The following NOL10 variants were observed in gnomAD, a reference collection of about 807,000 sequenced individuals.
NOL10 encodes the protein nucleolar protein 10, also known as H_NH0074G24.1.
Under a neutral mutation model 103.5 loss-of-function variants are expected in NOL10, and 58 were observed. The observed-to-expected ratio is 0.56, with a 90% CI of 0.45 to 0.70. The LOEUF (loss-of-function observed/expected upper bound fraction) is 0.70, where lower values mean the gene tolerates loss of function less well. Among genes scored for constraint, NOL10 ranks in the 30% least tolerant of loss-of-function variants. The pLI is 0.00. For synonymous variants in NOL10, 287 were observed against 282.5 expected (o/e 1.02, Z -0.16); for missense variants, 763 against 807.3 (o/e 0.95, Z 0.67).
At chr2:10,632,470 CAGTCT>C (rs1198514683) in intron 13 of NOL10, among the ~76,000 whole-genome samples, 1 of 152,190 alleles carries the variant, frequency 6.6e-6, no homozygotes, top group Non-Finnish European at 1.5e-5. Flanking sequence ...TCCCAAACCC[CAGTCT>C]AGAGTACACC....
At chr2:10,600,817 A>G in intron 17 of NOL10, 36 bp downstream of exon 17, 1 of 1,333,308 alleles carries the variant, frequency 7.5e-7, no homozygotes, top group East Asian at 2.5e-5. Context: ...TATCAACAAA[A>G]CGCAGAAACA....
intron 13 of NOL10, 125 bp downstream of exon 13, chr2:10,644,195 C>A: frequency 1.6e-6 from 1 of 615,416 alleles, no homozygotes; most frequent in Non-Finnish European, 2.7e-6. Context: ...TTGCAGTGGG[C>A]TGAGGCTGCA....
At chr2:10,583,986 T>C (rs1260165027) in intron 19 of NOL10, among the ~76,000 whole-genome samples, 1 of 152,204 alleles carries the variant, frequency 6.6e-6, no homozygotes, top group Admixed American at 6.5e-5. Flanking sequence ...ATCTAAGCTG[T>C]AAGATCGTGG....
chr2:10,684,434 G>T (rs1393537627), intron 2 of NOL10, 133 bp downstream of exon 2: 4 of 726,032 alleles, frequency 5.5e-6, no homozygotes, highest in East Asian at 2.8e-5. Context: ...AAAAGAAAAG[G>T]GACAAGAGCA....
chr2:10,636,321 A>G (rs555159010), intron 13 of NOL10, among the ~76,000 whole-genome samples: 10 of 150,246 alleles, frequency 6.7e-5, no homozygotes, highest in Non-Finnish European at 1.2e-4. Context: ...TGTAATCCCA[A>G]TCCCAACACT....
In NOL10 at chr2:10,614,761, T is replaced by C. The variant is rs760573671; in HGVS notation, c.1027-7450A>G. ...TGTACTATAATGTATATACACACTA[T>C]ACATAGCTACATATGGTAAATATAT... On this transcript the variant is annotated intron_variant, in intron 13 of 20. Transcript: ENST00000381685. 3.9e-4 allele frequency among the ~76,000 whole-genome samples: 60 copies of C among 152,354 alleles called. 1 individual carries two copies. The highest frequency in any genetic ancestry group is 4.1e-4 in the South Asian group (2 of 4,830).
At chr2:10,658,850 G>T (rs1453508074) in intron 10 of NOL10, among the ~76,000 whole-genome samples, 2 of 152,184 alleles carry the variant, frequency 1.3e-5, no homozygotes, top group Non-Finnish European at 1.5e-5. Context: ...GGCCAAGGGT[G>T]GGGGGATCGC....
chr2:10,630,444 G>A (rs1015502553), intron 13 of NOL10, among the ~76,000 whole-genome samples: 1 of 152,168 alleles, frequency 6.6e-6, no homozygotes, highest in African/African-American at 2.4e-5. Context: ...TGGGCGCGAT[G>A]GCTCACACCT....
chr2:10,643,026 T>C (rs1393961338), intron 13 of NOL10, among the ~76,000 whole-genome samples: 1 of 152,136 alleles, frequency 6.6e-6, no homozygotes, highest in African/African-American at 2.4e-5. Flanking sequence ...TCCATAATAT[T>C]TATTAACAAG....
At chr2:10,572,465 G>A (rs1011494488) in intron 20 of NOL10, among the ~76,000 whole-genome samples, 2 of 152,038 alleles carry the variant, frequency 1.3e-5, no homozygotes, top group African/African-American at 4.8e-5. Context: ...TGACAGACCA[G>A]CCTCCTACAA....
chr2:10,654,474 T>C lies in NOL10; in HGVS notation c.973+7A>G. The C allele has an allele frequency of 6.3e-7, 1 of 1,578,386 alleles. No individual in the cohort carries two copies. Among genetic ancestry groups the C allele is most frequent in the South Asian group, 1.2e-5 (1 of 86,644 alleles). ...GTCTCACTGAACGTTCACTACAGAATGCATACCTGAGTTGGGGTAGAGACA... is the reference window on the plus strand; with the variant it reads ...GTCTCACTGAACGTTCACTACAGAACGCATACCTGAGTTGGGGTAGAGACA... On this transcript the variant is annotated splice_region_variant and intron_variant, in intron 12 of 20. Coordinates refer to ENST00000381685, the MANE Select transcript of NOL10 (RefSeq NM_024894.4).
At chr2:10,686,692 C>G (rs1682234212) in intron 1 of NOL10, among the ~76,000 whole-genome samples, 1 of 152,138 alleles carries the variant, frequency 6.6e-6, no homozygotes, top group Non-Finnish European at 1.5e-5. Context: ...GATTCTGGAT[C>G]TATACTGAAG....
chr2:10,609,631 A>C (rs1676450868), intron 13 of NOL10, among the ~76,000 whole-genome samples: 1 of 152,032 alleles, frequency 6.6e-6, no homozygotes, highest in Non-Finnish European at 1.5e-5. Context: ...TGTCGGAAGG[A>C]GCACATGAGC....
chr2:10,626,886 T>C (rs1572323260), intron 13 of NOL10, among the ~76,000 whole-genome samples: 1 of 152,226 alleles, frequency 6.6e-6, no homozygotes, highest in East Asian at 1.9e-4. Flanking sequence ...GAAAATTACA[T>C]ACATTTTTAC....
rs527813311 is a variant in NOL10 at position 10,634,249 on chromosome 2, C to G, written c.1026+10071G>C. Among the ~76,000 whole-genome samples, 9 of 152,216 alleles carry G rather than the reference C, an allele frequency of 5.9e-5. No homozygotes were observed. In the East Asian group the frequency reaches 1.7e-3, roughly 29 times the overall value. On this transcript the variant is annotated intron_variant, in intron 13 of 20. Coordinates refer to ENST00000381685, the MANE Select transcript of NOL10 (RefSeq NM_024894.4). ...TCCAGTATTACAGTAATCCAGAGGC[C>G]TGATGGAAGGGAAGCACTGAGAAAT...
chr2:10,606,921 A>G (rs1676291604), intron 14 of NOL10, among the ~76,000 whole-genome samples: 1 of 152,228 alleles, frequency 6.6e-6, no homozygotes, highest in African/African-American at 2.4e-5. Context: ...TATAATAGCT[A>G]GTATGCTAAA....
chr2:10,589,191 T>C lies in NOL10; in HGVS notation c.1696A>G (p.Arg566Gly). 6.2e-7 allele frequency: 1 copy of C among 1,614,060 alleles called. No homozygotes were observed. The highest frequency in any genetic ancestry group is 1.6e-4 in the Middle Eastern group (1 of 6,062). Residue 566 changes from arginine (R) to glycine (G), a missense_variant, in exon 19 of 21, where the codon AGA (arginine) becomes GGA (glycine). Arg to Gly is a moderately radical substitution (Grantham distance 125). Transcript: ENST00000381685. ...ACTTTTTCCTCCTGCTGGAGGAGTC[T>C]GCGTTGCTTCCTGACCTCTTCAACC... ...AWVEEVRKQR[R>G]LLQQEEKVKR...
intron 6 of NOL10, among the ~76,000 whole-genome samples, chr2:10,669,511 T>TACACACACACACAC (rs1344903922): frequency 6.3e-4 from 60 of 95,144 alleles, no homozygotes; most frequent in Admixed American, 1.7e-3. Flanking sequence ...CACACACATA[T>TACACACACACACAC]ATACACACAC....
At chr2:10,688,810 G>A (rs1016254720) in intron 1 of NOL10, among the ~76,000 whole-genome samples, 11 of 152,200 alleles carry the variant, frequency 7.2e-5, no homozygotes, top group Admixed American at 6.5e-4. Flanking sequence ...AACAAAATGA[G>A]AAAGCTCATG....
Sources: allele counts gnomAD v4.1 joint callset (sites outside exome capture counted in the v4.1 genomes callset), GRCh38; gene constraint gnomAD v4.1.1; transcripts MANE v1.5; gene names NCBI Gene and HGNC (gene_info 2026-07-23, HGNC 2026-07-21).